The following TMTC3 variants were observed in gnomAD, a reference collection of about 807,000 sequenced individuals.
TMTC3 encodes the protein transmembrane O-mannosyltransferase targeting cadherins 3.
Under a neutral mutation model 92.2 loss-of-function variants are expected in TMTC3, and 52 were observed. That is an observed-to-expected ratio of 0.56 (90% CI 0.45 to 0.71). TMTC3 has a LOEUF of 0.71. Ranked by LOEUF, TMTC3 falls within the 30% of genes least tolerant of loss-of-function variation. The pLI, the probability that TMTC3 is intolerant of heterozygous loss-of-function variation, is 0.00. For synonymous variants in TMTC3, 339 were observed against 363.3 expected (o/e 0.93, Z 0.76); for missense variants, 896 against 1,057.1 (o/e 0.85, Z 2.11).
intron 5 of TMTC3, among the ~76,000 whole-genome samples, 193 bp from the exon 6 acceptor site, chr12:88,160,486 G>A (rs546872818): frequency 1.3e-5 from 2 of 152,098 alleles, no homozygotes; most frequent in South Asian, 4.1e-4. Context: ...GTATGCAATA[G>A]TACTGTACAG....
At chr12:88,194,757 C>G (rs2041488347) in intron 13 of TMTC3, 81 bp from the exon 14 acceptor site, 2 of 924,116 alleles carry the variant, frequency 2.2e-6, no homozygotes, top group Admixed American at 3.6e-5. Flanking sequence ...TTTTTGTAAT[C>G]TAAGTATTTG....
chr12:88,180,145 G>A (rs757877870), intron 10 of TMTC3, among the ~76,000 whole-genome samples: 1 of 151,288 alleles, frequency 6.6e-6, no homozygotes, highest in Non-Finnish European at 1.5e-5. Flanking sequence ...GCAGCAACAG[G>A]TTTGTCAGGC....
chr12:88,189,181 C>T (rs1440224961), intron 11 of TMTC3, among the ~76,000 whole-genome samples: 4 of 151,448 alleles, frequency 2.6e-5, no homozygotes, highest in African/African-American at 7.3e-5. Flanking sequence ...GCAACCTCTG[C>T]CTCCCAGGTT....
intron 4 of TMTC3, among the ~76,000 whole-genome samples, chr12:88,159,062 A>AAG (rs1276432639): frequency 5.3e-5 from 8 of 151,486 alleles, no homozygotes; most frequent in Non-Finnish European, 1.0e-4. Context: ...CAAAAAAAAA[A>AAG]AAAGGAAAAA....
chr12:88,161,199 A>C (rs1387261814), intron 6 of TMTC3, among the ~76,000 whole-genome samples: 1 of 151,744 alleles, frequency 6.6e-6, no homozygotes, highest in South Asian at 2.1e-4. Context: ...AGATTTCGCT[A>C]TTTCTCCTTG....
At chr12:88,154,220 C>A in intron 3 of TMTC3, 68 bp from the exon 4 acceptor site, 3 of 1,102,670 alleles carry the variant, frequency 2.7e-6, no homozygotes, top group South Asian at 2.9e-5. Context: ...AGTATTTTTA[C>A]CATTATATAT....
chr12:88,177,572 T>C (rs1468556016), intron 10 of TMTC3, among the ~76,000 whole-genome samples: 2 of 152,108 alleles, frequency 1.3e-5, no homozygotes, highest in African/African-American at 4.8e-5. Flanking sequence ...GAATTGTTGG[T>C]TTCTGAGTAG....
chr12:88,184,592 G>T (rs2041355343), intron 10 of TMTC3, among the ~76,000 whole-genome samples: 2 of 152,202 alleles, frequency 1.3e-5, no homozygotes, highest in African/African-American at 4.8e-5. Flanking sequence ...AAAGAGAATG[G>T]ATAGCAAATG....
At chr12:88,169,646 T>A (rs931742747) in intron 7 of TMTC3, among the ~76,000 whole-genome samples, 2 of 152,118 alleles carry the variant, frequency 1.3e-5, no homozygotes, top group African/African-American at 4.8e-5. Context: ...CCATTTTATT[T>A]GTAAAGAACT....
At chr12:88,185,570 A>G (rs1416330177) in intron 10 of TMTC3, among the ~76,000 whole-genome samples, 1 of 152,128 alleles carries the variant, frequency 6.6e-6, no homozygotes, top group East Asian at 1.9e-4. Context: ...CTTTATGGAT[A>G]TATGTTTTCA....
At chr12:88,154,522 C>A in intron 4 of TMTC3, 135 bp downstream of exon 4, 4 of 497,796 alleles carry the variant, frequency 8.0e-6, no homozygotes, top group Non-Finnish European at 1.4e-5. Context: ...TTTACTTTAG[C>A]ATATGTGAAA....
chr12:88,185,335 T>C (rs1160046605), intron 10 of TMTC3, among the ~76,000 whole-genome samples: 6 of 151,750 alleles, frequency 4.0e-5, no homozygotes, highest in Admixed American at 3.9e-4. Context: ...CTCTATGGAC[T>C]CTCTCTTTTT....
At chr12:88,147,939 T>C (rs1468346219) in intron 1 of TMTC3, among the ~76,000 whole-genome samples, 1 of 152,146 alleles carries the variant, frequency 6.6e-6, no homozygotes, top group Non-Finnish European at 1.5e-5. Context: ...TTTTTTTTAC[T>C]TAGCCTTTAT....
In TMTC3 at chr12:88,197,642, A is replaced by G. The variant is rs1436015395; in HGVS notation, c.*1993A>G. On this transcript the variant is annotated 3_prime_UTR_variant, in exon 14 of 14. Transcript: ENST00000266712. ...TAATTCAAATGATAAAAATGTATCA[A>G]TGTTATCCAATGATTTTTATTAAAA... The G allele has an allele frequency of 1.3e-5, 2 of 151,966 alleles. No homozygotes were observed. The highest frequency in any genetic ancestry group is 2.1e-4 in the South Asian group (1 of 4,826). The allele number at this position is 151,966 out of a possible 1,614,324, so 9.4% of individuals were successfully genotyped here.
intron 10 of TMTC3, among the ~76,000 whole-genome samples, chr12:88,188,499 T>G (rs1267764202): frequency 6.6e-6 from 1 of 152,150 alleles, no homozygotes; most frequent in East Asian, 1.9e-4. Context: ...TAATAAAAAT[T>G]TCTTCATTAC....
chr12:88,195,028 G>C lies in TMTC3; in HGVS notation c.2124G>C (p.Leu708=), dbSNP rs764693011. 2.5e-6 allele frequency: 4 copies of C among 1,613,672 alleles called. No homozygotes were observed. Among genetic ancestry groups the C allele is most frequent in the Non-Finnish European group, 3.4e-6 (4 of 1,179,898 alleles). The stretch of plus-strand genomic sequence containing the variant: ...ACTTCCGAAGTGCTTTGTTTAATCT[G>C]GCTCTCCTGTATTCCCAGACTGCAA... ...QADFRSALFN[L]ALLYSQTAKE... is the part of the protein sequence containing the mutation. Residue 708 remains leucine (L), a synonymous_variant, in exon 14 of 14, where the codon CTG becomes CTC. Coordinates refer to ENST00000266712, the MANE Select transcript of TMTC3 (RefSeq NM_181783.4).
chr12:88,181,576 G>A (rs113430670), intron 10 of TMTC3, among the ~76,000 whole-genome samples: 3,739 of 152,140 alleles, frequency 0.025, 138 homozygotes, highest in African/African-American at 0.083. Flanking sequence ...CTGTGGGCTC[G>A]AGTATGTGTG....
chr12:88,183,519 C>G (rs554706286), intron 10 of TMTC3, among the ~76,000 whole-genome samples: 2 of 152,050 alleles, frequency 1.3e-5, no homozygotes, highest in Non-Finnish European at 2.9e-5. Flanking sequence ...CCTCTGTTTC[C>G]CCTTTGGTAT....
intron 3 of TMTC3, 84 bp downstream of exon 3, chr12:88,153,593 G>GA (rs1035858214): frequency 0.018 from 9,772 of 529,428 alleles, no homozygotes; most frequent in South Asian, 0.027. Context: ...ATATTTTTAA[G>GA]AAAAAAAAAA....
Sources: allele counts gnomAD v4.1 joint callset (sites outside exome capture counted in the v4.1 genomes callset), GRCh38; gene constraint gnomAD v4.1.1; transcripts MANE v1.5; gene names NCBI Gene and HGNC (gene_info 2026-07-23, HGNC 2026-07-21).